ZMYM2: variants seen among roughly 807,000 people sequenced by gnomAD.
The protein encoded by ZMYM2 is zinc finger MYM-type containing 2.
Under a neutral mutation model 162.8 loss-of-function variants are expected in ZMYM2, and 56 were observed. That is an observed-to-expected ratio of 0.34 (90% confidence interval 0.28 to 0.43). The LOEUF (loss-of-function observed/expected upper bound fraction) is 0.43. Among genes scored for constraint, ZMYM2 ranks in the 20% least tolerant of loss-of-function variants. The probability of loss-of-function intolerance (pLI) is 1.00; values close to 1 mark genes in which losing one functional copy is unlikely to be tolerated. For missense variants in ZMYM2, 1,275 were observed against 1,621.8 expected, an observed-to-expected ratio of 0.79 and a Z score of 3.67; for synonymous variants, 510 against 541.6, an observed-to-expected ratio of 0.94 and a Z score of 0.81.
At chr13:19,894,578 C>G in the ZMYM2 span, among the ~76,000 whole-genome samples, 1 of 151,948 alleles carries the variant, frequency 6.6e-6, no homozygotes, top group Non-Finnish European at 1.5e-5. Context: ...TTCCTGACCT[C>G]AAGTGATCCA....
chr13:19,909,681 C>T, the ZMYM2 span, among the ~76,000 whole-genome samples: 8 of 151,946 alleles, frequency 5.3e-5, no homozygotes, highest in African/African-American at 1.9e-4. Flanking sequence ...GATCCGCCTG[C>T]CTTGGCCTCC....
At chr13:20,041,436 A>G (rs149948468) in intron 12 of ZMYM2, among the ~76,000 whole-genome samples, 370 of 152,154 alleles carry the variant, frequency 2.4e-3, no homozygotes, top group African/African-American at 8.5e-3. Flanking sequence ...TTTTGAGCCT[A>G]TGTGTGTCAT....
At chr13:19,963,391 C>T (rs2139104877) in intron 2 of ZMYM2, among the ~76,000 whole-genome samples, 1 of 152,300 alleles carries the variant, frequency 6.6e-6, no homozygotes, top group East Asian at 1.9e-4. Flanking sequence ...CAATATATAA[C>T]ACTTACAAAG....
the ZMYM2 span, among the ~76,000 whole-genome samples, chr13:19,903,603 C>CA: frequency 1.3e-5 from 2 of 151,498 alleles, no homozygotes; most frequent in African/African-American, 4.8e-5. Context: ...TGTGATGGCT[C>CA]ATACCTATAA....
At chr13:19,987,601 A>T (rs1245350705) in intron 2 of ZMYM2, among the ~76,000 whole-genome samples, 1 of 127,288 alleles carries the variant, frequency 7.9e-6, no homozygotes, top group African/African-American at 3.5e-5. Context: ...GTGTGTGTAT[A>T]GGAAAGATGG....
At chr13:19,977,712 G>A (rs1346382025) in intron 2 of ZMYM2, among the ~76,000 whole-genome samples, 5 of 150,816 alleles carry the variant, frequency 3.3e-5, no homozygotes, top group African/African-American at 9.8e-5. Flanking sequence ...GGATGGTCTC[G>A]ATCTCCTGAC....
At chr13:20,011,065 TA>T (rs1198619586) in intron 6 of ZMYM2, among the ~76,000 whole-genome samples, 1 of 152,220 alleles carries the variant, frequency 6.6e-6, no homozygotes, top group Non-Finnish European at 1.5e-5. Context: ...ACCCCAAAAT[TA>T]TTTTTTTATG....
At chr13:19,970,559 G>GAATTC (rs1956211364) in intron 2 of ZMYM2, among the ~76,000 whole-genome samples, 1 of 119,374 alleles carries the variant, frequency 8.4e-6, no homozygotes, top group Admixed American at 1.2e-4. Flanking sequence ...GAGAGAGCCA[G>GAATTC]AATTCAGTGT....
At chr13:20,052,411 G>GTTTT in intron 14 of ZMYM2, 100 bp downstream of exon 14, 2 of 1,037,020 alleles carry the variant, frequency 1.9e-6, no homozygotes, top group African/African-American at 1.7e-5. Context: ...AATTTTTTTG[G>GTTTT]TTTTTTTTTT....
intron 24 of ZMYM2, among the ~76,000 whole-genome samples, chr13:20,084,973 T>C (rs1958161921): frequency 6.6e-6 from 1 of 152,222 alleles, no homozygotes; most frequent in South Asian, 2.1e-4. Context: ...TTTTCGGATT[T>C]TGGAATATTT....
intron 24 of ZMYM2, among the ~76,000 whole-genome samples, 164 bp downstream of exon 24, chr13:20,083,940 C>G (rs988942971): frequency 6.6e-6 from 1 of 152,146 alleles, no homozygotes; most frequent in East Asian, 1.9e-4. Flanking sequence ...TTTGAAATAC[C>G]CAGTTTATAC....
intron 2 of ZMYM2, among the ~76,000 whole-genome samples, chr13:19,983,920 G>A (rs1856671267): frequency 6.6e-6 from 1 of 152,182 alleles, no homozygotes; most frequent in Non-Finnish European, 1.5e-5. Flanking sequence ...GAGCCACTGT[G>A]CCTGGCCAGG....
the ZMYM2 span, among the ~76,000 whole-genome samples, chr13:19,886,010 T>TGTGTGTATACACATATATGTGTGTATAC: frequency 7.2e-6 from 1 of 139,048 alleles, no homozygotes; most frequent in African/African-American, 2.6e-5. Flanking sequence ...TGTATATATA[T>TGTGTGTATACACATATATGTGTGTATAC]AGTTTAGATT....
chr13:20,011,573 G>GTTTTTTTTTTTTTTT (rs764404253), intron 6 of ZMYM2, among the ~76,000 whole-genome samples: 3 of 144,204 alleles, frequency 2.1e-5, no homozygotes, highest in Non-Finnish European at 3.0e-5. Flanking sequence ...TTATTTTTTT[G>GTTTTTTTTTTTTTTT]TTTTATTTTT....
At chr13:19,982,360 TC>T (rs1332519184) in intron 2 of ZMYM2, among the ~76,000 whole-genome samples, 1 of 138,756 alleles carries the variant, frequency 7.2e-6, no homozygotes, top group African/African-American at 2.6e-5. Flanking sequence ...TGATCTTGGC[TC>T]ACTGCTACCT....
chr13:19,881,997 A>T, the ZMYM2 span, among the ~76,000 whole-genome samples: 1 of 151,666 alleles, frequency 6.6e-6, no homozygotes, highest in Non-Finnish European at 1.5e-5. Context: ...AAAAAAAAAA[A>T]AAAAATTTGT....
intron 6 of ZMYM2, among the ~76,000 whole-genome samples, chr13:20,019,192 G>T (rs913192874): frequency 1.3e-5 from 2 of 151,686 alleles, no homozygotes; most frequent in Non-Finnish European, 2.9e-5. Context: ...AGAAAGCTTC[G>T]AGTTTCATTA....
At chr13:20,033,634 A>G (rs919068461) in intron 10 of ZMYM2, among the ~76,000 whole-genome samples, 1 of 152,196 alleles carries the variant, frequency 6.6e-6, no homozygotes, top group African/African-American at 2.4e-5. Flanking sequence ...CCTCCCTGGA[A>G]GTTTTAACTT....
chr13:19,884,970 A>G, the ZMYM2 span, among the ~76,000 whole-genome samples: 29 of 152,188 alleles, frequency 1.9e-4, 1 homozygote, highest in Middle Eastern at 3.4e-3. Flanking sequence ...GCTGATTGGT[A>G]TATTTTACAG....
Sources: allele counts gnomAD v4.1 joint callset (sites outside exome capture counted in the v4.1 genomes callset), GRCh38; gene constraint gnomAD v4.1.1; transcripts MANE v1.5; gene names NCBI Gene and HGNC (gene_info 2026-07-23, HGNC 2026-07-21).